Variants in CNTN3 observed in about 807,000 individuals in gnomAD.
The protein encoded by CNTN3 is contactin-3.
Under a neutral mutation model 119.1 loss-of-function variants are expected in CNTN3, and 60 were observed. The observed-to-expected ratio is 0.50, with a 90% CI of 0.41 to 0.62. The LOEUF (loss-of-function observed/expected upper bound fraction) is 0.62, where lower values mean the gene tolerates loss of function less well. Ranked by LOEUF, CNTN3 falls within the 20% of genes least tolerant of loss-of-function variation. CNTN3 has a pLI of 0.00. For synonymous variants in CNTN3, 450 were observed against 438.7 expected (o/e 1.03, Z -0.32); for missense variants, 1,101 against 1,242.4 (o/e 0.89, Z 1.71).
At chr3:74,308,094 TG>T (rs1311438048) in intron 13 of CNTN3, among the ~76,000 whole-genome samples, 1 of 152,182 alleles carries the variant, frequency 6.6e-6, no homozygotes, top group African/African-American at 2.4e-5. Flanking sequence ...CGTTTTCCTC[TG>T]TAAGACTCCC....
At chr3:74,507,893 A>G (rs2107097118) in intron 2 of CNTN3, among the ~76,000 whole-genome samples, 1 of 151,078 alleles carries the variant, frequency 6.6e-6, no homozygotes, top group African/African-American at 2.4e-5. Context: ...CGGCCTCCCA[A>G]AGTGCTAGGA....
chr3:74,267,308 T>G lies in CNTN3; in HGVS notation c.2775A>C (p.Gln925His). 1 of 1,613,330 alleles carries G rather than the reference T, an allele frequency of 6.2e-7. No individual in the cohort carries two copies. The highest frequency in any genetic ancestry group is 8.5e-7 in the Non-Finnish European group (1 of 1,179,394). Residue 925 changes from glutamine (Q) to histidine (H), a missense_variant, in exon 21 of 23, where the codon CAA becomes CAC. Gln to His is a conservative substitution (Grantham distance 24). Transcript: ENST00000263665. ...TDTKVLLNWE[Q>H]VKAMENESEV... ...CTGACTCATTCTCCATGGCTTTAAC[T>G]TGCTCCCAATTAAGTAACACTTTAG...
chr3:74,358,666 T>C (rs1469852391), intron 11 of CNTN3, among the ~76,000 whole-genome samples: 1 of 151,102 alleles, frequency 6.6e-6, no homozygotes, highest in Non-Finnish European at 1.5e-5. Context: ...TTGTGCAAGT[T>C]AGTTACATAT....
chr3:74,596,706 C>T (rs1329414093), intron 1 of CNTN3, among the ~76,000 whole-genome samples: 1 of 151,834 alleles, frequency 6.6e-6, no homozygotes, highest in East Asian at 1.9e-4. Context: ...ACAATGCATA[C>T]CAAAAAACAC....
intron 2 of CNTN3, among the ~76,000 whole-genome samples, chr3:74,511,963 A>AT (rs893393295): frequency 6.6e-5 from 10 of 151,766 alleles, no homozygotes; most frequent in South Asian, 2.1e-4. Flanking sequence ...AATAAACATG[A>AT]TTTTTTTTCC....
intron 14 of CNTN3, 46 bp downstream of exon 14, chr3:74,302,644 T>C (rs769212707): frequency 9.0e-7 from 1 of 1,110,266 alleles, no homozygotes. Flanking sequence ...TAAGGAATGC[T>C]GTTAAGATGT....
At chr3:74,374,342 TC>T (rs1704420324) in intron 5 of CNTN3, among the ~76,000 whole-genome samples, 1 of 152,032 alleles carries the variant, frequency 6.6e-6, no homozygotes, top group African/African-American at 2.4e-5. Context: ...GATCCTTTAG[TC>T]CCATCTTGGT....
At chr3:74,284,135 ATTACT>A (rs1380066280) in intron 20 of CNTN3, among the ~76,000 whole-genome samples, 10 of 152,310 alleles carry the variant, frequency 6.6e-5, no homozygotes, top group South Asian at 6.2e-4. Flanking sequence ...ACTGTCTTAC[ATTACT>A]TTAAGTTAAC....
At chr3:74,325,857 T>C (rs1006595828) in intron 13 of CNTN3, among the ~76,000 whole-genome samples, 2 of 152,248 alleles carry the variant, frequency 1.3e-5, no homozygotes, top group Middle Eastern at 3.4e-3. Flanking sequence ...GTCACACCAA[T>C]CTGATCTACT....
At chr3:74,574,111 G>A (rs531419792) in intron 1 of CNTN3, among the ~76,000 whole-genome samples, 1 of 152,152 alleles carries the variant, frequency 6.6e-6, no homozygotes, top group Non-Finnish European at 1.5e-5. Context: ...ATATTATTCA[G>A]CCATAAAAAG....
At chr3:74,310,840 C>T (rs1474096270) in intron 13 of CNTN3, among the ~76,000 whole-genome samples, 2 of 152,142 alleles carry the variant, frequency 1.3e-5, no homozygotes, top group African/African-American at 4.8e-5. Flanking sequence ...TTGGAAAACA[C>T]AATCTGCCAC....
intron 1 of CNTN3, among the ~76,000 whole-genome samples, chr3:74,527,113 C>T (rs1241826669): frequency 1.3e-5 from 2 of 151,712 alleles, no homozygotes; most frequent in Non-Finnish European, 2.9e-5. Context: ...TATGTATATT[C>T]AAATATTTCT....
At chr3:74,284,552 T>C (rs1032066595) in intron 20 of CNTN3, among the ~76,000 whole-genome samples, 16 of 152,180 alleles carry the variant, frequency 1.1e-4, no homozygotes, top group Non-Finnish European at 5.9e-5. Flanking sequence ...TCAATCACTA[T>C]TAGCTAAGAT....
At chr3:74,501,435 G>A (rs955489293) in intron 2 of CNTN3, among the ~76,000 whole-genome samples, 15 of 151,970 alleles carry the variant, frequency 9.9e-5, no homozygotes, top group African/African-American at 2.9e-4. Flanking sequence ...AAAGCTGTGC[G>A]TTTGAAACCT....
chr3:74,610,309 T>A (rs1705059148), intron 1 of CNTN3, among the ~76,000 whole-genome samples: 1 of 148,072 alleles, frequency 6.8e-6, no homozygotes, highest in East Asian at 2.0e-4. Flanking sequence ...GGTGACAGAG[T>A]GAGACCCTGT....
At chr3:74,490,382 A>C (rs898770992) in intron 3 of CNTN3, among the ~76,000 whole-genome samples, 3 of 152,204 alleles carry the variant, frequency 2.0e-5, no homozygotes, top group Non-Finnish European at 4.4e-5. Flanking sequence ...AGGAAAAAAC[A>C]CTTTTTAGCT....
chr3:74,605,181 A>G (rs1227165375), intron 1 of CNTN3, among the ~76,000 whole-genome samples: 1 of 152,144 alleles, frequency 6.6e-6, no homozygotes, highest in Non-Finnish European at 1.5e-5. Flanking sequence ...AGGATACAGA[A>G]TTTCTGTTGG....
intron 4 of CNTN3, among the ~76,000 whole-genome samples, chr3:74,444,893 T>C (rs546356679): frequency 5.9e-5 from 9 of 152,156 alleles, no homozygotes; most frequent in African/African-American, 1.4e-4. Context: ...ATAGGAAATA[T>C]AAATAATTAT....
At chr3:74,401,766 T>C (rs571446619) in intron 5 of CNTN3, among the ~76,000 whole-genome samples, 13 of 152,274 alleles carry the variant, frequency 8.5e-5, no homozygotes, top group East Asian at 3.9e-4. Context: ...AATATTTTGA[T>C]AACTGCTCCC....
Sources: gnomAD v4.1 joint callset for allele counts (sites outside exome capture counted in the v4.1 genomes callset) on GRCh38, gnomAD v4.1.1 for gene constraint, MANE v1.5 for transcripts, NCBI Gene and HGNC (gene_info 2026-07-23, HGNC 2026-07-21) for gene names.